MCM5: variants seen among roughly 807,000 people sequenced by gnomAD.
MCM5 encodes the protein minichromosome maintenance complex component 5, also known as DNA replication licensing factor MCM5.
Under a neutral mutation model 79.9 loss-of-function variants are expected in MCM5, and 46 were observed. That is an observed-to-expected ratio of 0.58 (90% confidence interval 0.45 to 0.74). MCM5 has a LOEUF of 0.74. Among genes scored for constraint, MCM5 ranks in the 30% least tolerant of loss-of-function variants. The pLI is 0.00. For missense variants in MCM5, 883 were observed against 1,017.0 expected (o/e 0.87, Z 1.79); for synonymous variants, 404 against 390.5 (o/e 1.03, Z -0.41).
Position 35,404,274 on chromosome 22 carries a change from C to T in MCM5, c.423+732C>T, listed in dbSNP as rs183459567. Among the ~76,000 whole-genome samples the T allele has an allele frequency of 2.2e-4, 34 of 152,304 alleles. No individual in the cohort carries two copies. In the East Asian group the frequency reaches 6.0e-3, roughly 27 times the overall value. On this transcript the variant is annotated intron_variant, in intron 4 of 16. Transcript: ENST00000216122. ...ACCAAATTACCTCACATGACTCTTA[C>T]AGCTCGTGTGTCTCAGCCAGGACCA...
At chr22:35,449,307 C>T in the MCM5 span, among the ~76,000 whole-genome samples, 1 of 152,194 alleles carries the variant, frequency 6.6e-6, no homozygotes, top group Non-Finnish European at 1.5e-5. Flanking sequence ...AGAAATGAAT[C>T]GCTGTGTCTT....
intron 13 of MCM5, among the ~76,000 whole-genome samples, chr22:35,419,058 G>A (rs990348859): frequency 5.9e-5 from 9 of 152,186 alleles, no homozygotes; most frequent in Non-Finnish European, 1.0e-4. Context: ...GGGGGCTGGT[G>A]GGTCCCTGAT....
the MCM5 span, among the ~76,000 whole-genome samples, chr22:35,438,876 CATCCATCCATCCATCTACAT>C: frequency 6.7e-6 from 1 of 149,458 alleles, no homozygotes; most frequent in Non-Finnish European, 1.5e-5. Flanking sequence ...TCCATCCATC[CATCCATCCATCCATCTACAT>C]ATCCATCCAT....
chr22:35,444,782 G>C, the MCM5 span, among the ~76,000 whole-genome samples: 112 of 152,348 alleles, frequency 7.4e-4, no homozygotes, highest in Non-Finnish European at 1.0e-4. Context: ...GGGAGGCGGA[G>C]GTGGGAGGAT....
At chr22:35,452,770 A>G in the MCM5 span, among the ~76,000 whole-genome samples, 2 of 152,104 alleles carry the variant, frequency 1.3e-5, no homozygotes, top group African/African-American at 2.4e-5. Flanking sequence ...TCTTGTGCAA[A>G]TAGAACATTT....
At chr22:35,451,737 C>T in the MCM5 span, among the ~76,000 whole-genome samples, 2 of 152,234 alleles carry the variant, frequency 1.3e-5, no homozygotes, top group African/African-American at 2.4e-5. Context: ...GCGGCTCTGG[C>T]GCCCAGCTTT....
At position 35,416,948 on chromosome 22, in the gene MCM5, C is replaced by T. The variant is rs530924771; in HGVS notation, c.1590+134C>T. ...TGTCAGGCTGTGAAATTGGGGAGCA[C>T]GTGAGAGGGCGGTTGTTGTGGACTG... On this transcript the variant is annotated intron_variant, in intron 12 of 16. Coordinates refer to ENST00000216122, the MANE Select transcript of MCM5 (RefSeq NM_006739.4). The T allele has an allele frequency of 8.3e-5, 80 of 960,678 alleles. No homozygotes were observed. In the African/African-American group the frequency reaches 1.2e-3, roughly 14 times the overall value. 59.5% of individuals were successfully genotyped at this position (960,678 alleles called of 1,614,324 possible).
chr22:35,450,423 CCT>C, the MCM5 span, among the ~76,000 whole-genome samples: 1 of 150,032 alleles, frequency 6.7e-6, no homozygotes, highest in African/African-American at 2.4e-5. Flanking sequence ...CTTTCCCTCC[CCT>C]GTCCCTTTCC....
chr22:35,402,184 AT>A (rs1932074636), intron 2 of MCM5, among the ~76,000 whole-genome samples: 1 of 152,126 alleles, frequency 6.6e-6, no homozygotes, highest in Admixed American at 6.5e-5. Flanking sequence ...CCAATGGATC[AT>A]TTGACCCCAG....
At chr22:35,446,888 G>A in the MCM5 span, among the ~76,000 whole-genome samples, 18 of 152,266 alleles carry the variant, frequency 1.2e-4, no homozygotes, top group South Asian at 1.5e-3. Flanking sequence ...CAAGTGCTCC[G>A]GTCACCAGTG....
the MCM5 span, among the ~76,000 whole-genome samples, chr22:35,444,558 G>T: frequency 6.6e-6 from 1 of 152,230 alleles, no homozygotes; most frequent in Non-Finnish European, 1.5e-5. Flanking sequence ...TCGTGGTTGA[G>T]ATGGGGATTT....
chr22:35,430,708 C>T, the MCM5 span, among the ~76,000 whole-genome samples: 1 of 151,950 alleles, frequency 6.6e-6, no homozygotes. Flanking sequence ...GATGGGGTTT[C>T]ACCATGCTAG....
chr22:35,444,181 G>GAGAGAA, the MCM5 span, among the ~76,000 whole-genome samples: 10 of 151,324 alleles, frequency 6.6e-5, no homozygotes, highest in African/African-American at 2.4e-4. Context: ...GAGAGAGAGA[G>GAGAGAA]AGAAGAGAAC....
In MCM5 at chr22:35,406,725, C is replaced by T. The variant is rs143875911; in HGVS notation, c.596C>T (p.Thr199Ile). The change falls in exon 5 of 17, where the codon ACA becomes ATA. Residue 199 changes from threonine (T) to isoleucine (I), a missense_variant and splice_region_variant. This residue lies in a region of MCM5 where 455 missense variants were observed against 517.5 expected (regional missense o/e 0.88). Coordinates refer to ENST00000216122, the MANE Select transcript of MCM5 (RefSeq NM_006739.4). Reference protein sequence around the residue: ...EGYALPRKCNTDQAGRPKCPL... With the variant: ...EGYALPRKCNIDQAGRPKCPL... ...TATGCCCTGCCCAGGAAGTGCAACACGTGAGTCTGTGGCCCAGAGGGACTG... is the reference window on the plus strand; with the variant it reads ...TATGCCCTGCCCAGGAAGTGCAACATGTGAGTCTGTGGCCCAGAGGGACTG... 9.4e-4 allele frequency: 1,513 copies of T among 1,606,250 alleles called. 5 individuals are homozygous for T. The highest frequency in any genetic ancestry group is 2.2e-3 in the Middle Eastern group (13 of 5,788).
intron 5 of MCM5, among the ~76,000 whole-genome samples, 183 bp from the exon 6 acceptor site, chr22:35,408,225 G>C (rs965048411): frequency 2.6e-5 from 4 of 152,196 alleles, no homozygotes; most frequent in Non-Finnish European, 5.9e-5. Context: ...TGCTAGGTCC[G>C]TCAGTGTTGC....
intron 2 of MCM5, among the ~76,000 whole-genome samples, chr22:35,402,553 CT>C (rs1569062874): frequency 6.6e-6 from 1 of 150,862 alleles, no homozygotes; most frequent in Admixed American, 6.6e-5. Context: ...AGGCTGGTAC[CT>C]TTTTGGTTTT....
Position 35,410,848 on chromosome 22 carries a change from G to T in MCM5, c.857G>T (p.Gly286Val), listed in dbSNP as rs757218373. ...LTTSRGRDRVGVGIRSSYIRV... is the reference protein window; with the variant it reads ...LTTSRGRDRVVVGIRSSYIRV... ...ACCAGCAGGGGCCGTGACAGGGTGG[G>T]CGTGGGCATCCGAAGCTCCTACATC... The change falls in exon 7 of 17, where the codon GGC (glycine) becomes GTC (valine). Residue 286 changes from glycine (G) to valine (V), a missense_variant. Physicochemically the swap from Gly to Val is moderately radical, Grantham distance 109. Around this residue, in one of 3 missense-constraint regions of MCM5, gnomAD observed 455 missense variants for 517.5 expected, o/e 0.88. Coordinates refer to ENST00000216122, the MANE Select transcript of MCM5 (RefSeq NM_006739.4). 45 of 1,613,630 alleles carry T rather than the reference G, an allele frequency of 2.8e-5. No homozygotes were observed. The highest frequency in any genetic ancestry group is 3.8e-5 in the Non-Finnish European group (45 of 1,179,642).
intron 4 of MCM5, among the ~76,000 whole-genome samples, chr22:35,405,140 C>G (rs1019112135): frequency 2.0e-5 from 3 of 151,090 alleles, no homozygotes; most frequent in African/African-American, 7.3e-5. Context: ...ATTCTCCTGC[C>G]TCAGCCCCCC....
downstream of MCM5, among the ~76,000 whole-genome samples, chr22:35,426,233 C>G (rs151147426): frequency 6.6e-6 from 1 of 152,138 alleles, no homozygotes; most frequent in South Asian, 2.1e-4. Context: ...CCTTCCAGAT[C>G]GGGGCAGCAG....
Sources: gnomAD v4.1 joint callset for allele counts (sites outside exome capture counted in the v4.1 genomes callset) on GRCh38, gnomAD v4.1.1 for gene constraint, gnomAD v4.1.1 regional missense constraint, MANE v1.5 for transcripts, NCBI Gene and HGNC (gene_info 2026-07-23, HGNC 2026-07-21) for gene names.